Variants in LDB3 observed in about 807,000 individuals in gnomAD.
LDB3 encodes the protein LIM domain-binding protein 3.
A neutral mutation model predicts 69.0 loss-of-function variants in LDB3; 49 were observed. The observed-to-expected ratio is 0.71, with a 90% CI of 0.56 to 0.90. LDB3 has a LOEUF of 0.90. Ranked by LOEUF, LDB3 falls within the 40% of genes least tolerant of loss-of-function variation. LDB3 has a pLI of 0.00. For missense variants in LDB3, 928 were observed against 974.1 expected, an observed-to-expected ratio of 0.95 and a Z score of 0.63; for synonymous variants, 387 against 396.2, an observed-to-expected ratio of 0.98 and a Z score of 0.28.
intron 9 of LDB3, 103 bp from the exon 10 acceptor site, chr10:86,716,224 A>G (rs1483324946): frequency 3.0e-6 from 4 of 1,352,000 alleles, no homozygotes; most frequent in East Asian, 2.3e-5. Flanking sequence ...GTACTGCTCT[A>G]ATGTTAAAGT....
At chr10:86,682,180 G>A (rs983834629) in intron 5 of LDB3, among the ~76,000 whole-genome samples, 3 of 152,178 alleles carry the variant, frequency 2.0e-5, no homozygotes, top group Admixed American at 2.0e-4. Flanking sequence ...GCCTTCAAGA[G>A]CTATGCACAG....
At chr10:86,676,049 A>G (rs889593835) in intron 2 of LDB3, among the ~76,000 whole-genome samples, 9 of 152,242 alleles carry the variant, frequency 5.9e-5, no homozygotes, top group Non-Finnish European at 1.2e-4. Flanking sequence ...AATAGAGGCT[A>G]TGGCAATGAG....
At chr10:86,676,272 G>A (rs1477487882) in intron 2 of LDB3, among the ~76,000 whole-genome samples, 1 of 152,142 alleles carries the variant, frequency 6.6e-6, no homozygotes, top group East Asian at 1.9e-4. Context: ...ATTTTAAGAG[G>A]GCACCACAGG....
rs1846392891 is a variant in LDB3, at chr10:86,704,994, G to A, written c.897-1537G>A. Reference sequence around the variant, plus strand: ...GTCTCCCAAAGTGCTGGGATTATAAGCATAAGCCACCACGCCTGGCTAGGG... The same window carrying A: ...GTCTCCCAAAGTGCTGGGATTATAAACATAAGCCACCACGCCTGGCTAGGG... On this transcript the variant is annotated intron_variant, in intron 7 of 13. Coordinates refer to ENST00000361373, the MANE Select transcript of LDB3 (RefSeq NM_007078.3). Among the ~76,000 whole-genome samples, 3 of 152,260 alleles carry A rather than the reference G, an allele frequency of 2.0e-5. No individual in the cohort carries two copies. In the South Asian group the frequency reaches 6.2e-4, roughly 32 times the overall value.
chr10:86,726,814 T>C (rs1237783910), intron 13 of LDB3, among the ~76,000 whole-genome samples: 1 of 152,166 alleles, frequency 6.6e-6, no homozygotes, highest in African/African-American at 2.4e-5. Flanking sequence ...GGATTAACTA[T>C]TAACTGTGTG....
intron 11 of LDB3, 63 bp from the exon 12 acceptor site, chr10:86,718,664 G>T: frequency 6.2e-7 from 1 of 1,611,836 alleles, no homozygotes; most frequent in Non-Finnish European, 8.5e-7. Flanking sequence ...GCTGGAGCCT[G>T]GTGGGGTAGT....
At chr10:86,706,132 C>T (rs1391539723) in intron 7 of LDB3, among the ~76,000 whole-genome samples, 3 of 152,178 alleles carry the variant, frequency 2.0e-5, no homozygotes, top group Admixed American at 6.5e-5. Context: ...CAAGGTAGCA[C>T]ATGCCCCCTG....
Position 86,704,528 on chromosome 10 carries a change from G to GC in LDB3, c.897-1997dup, listed in dbSNP as rs201248815. ...TCTGCCTCCCGGGTTCAAGGGTTCAGCCCCCCGAGTAGCTGGGATTACAGG... is the reference window on the plus strand; with the variant it reads ...TCTGCCTCCCGGGTTCAAGGGTTCAGCCCCCCCGAGTAGCTGGGATTACAGG... On this transcript the variant is annotated intron_variant, in intron 7 of 13. Transcript: ENST00000361373. Among the ~76,000 whole-genome samples the GC allele has an allele frequency of 4.5e-3, 676 of 150,392 alleles. 6 individuals are homozygous for GC. The highest frequency in any genetic ancestry group is 0.016 in the African/African-American group (653 of 40,738).
At chr10:86,678,618 G>T (rs775161752) in intron 2 of LDB3, among the ~76,000 whole-genome samples, 5 of 150,088 alleles carry the variant, frequency 3.3e-5, no homozygotes, top group Non-Finnish European at 5.9e-5. Flanking sequence ...GATTACAGGC[G>T]TGAGCCACCA....
At chr10:86,718,528 A>G (rs80071692) in intron 11 of LDB3, among the ~76,000 whole-genome samples, 199 bp from the exon 12 acceptor site, 127 of 152,342 alleles carry the variant, frequency 8.3e-4, no homozygotes, top group African/African-American at 3.0e-3. Context: ...AAGAAAGCAC[A>G]GAACCTGGCA....
intron 5 of LDB3, among the ~76,000 whole-genome samples, chr10:86,682,255 TTA>T (rs1300228734): frequency 6.6e-6 from 1 of 151,792 alleles, no homozygotes; most frequent in African/African-American, 2.4e-5. Context: ...GAAAAGCGAG[TTA>T]TCTGGGACTA....
At chr10:86,690,504 G>A (rs1845705085) in intron 5 of LDB3, among the ~76,000 whole-genome samples, 1 of 152,170 alleles carries the variant, frequency 6.6e-6, no homozygotes, top group South Asian at 2.1e-4. Context: ...GCCAGGGCAG[G>A]GCCTTCAGCG....
chr10:86,691,096 G>C (rs1227972358), intron 5 of LDB3, among the ~76,000 whole-genome samples: 1 of 152,212 alleles, frequency 6.6e-6, no homozygotes, highest in Admixed American at 6.5e-5. Context: ...TCTGATTCAG[G>C]CTGGGAGGCA....
chr10:86,666,958 C>T (rs1043150800), upstream of LDB3: 2 of 430,740 alleles, frequency 4.6e-6, no homozygotes, highest in South Asian at 3.3e-5. Flanking sequence ...GACAAACACC[C>T]CTAGGAAAGG....
Position 86,679,400 on chromosome 10 carries a change from C to G in LDB3, c.127C>G (p.Leu43Val). The G allele has an allele frequency of 1.2e-6, 2 of 1,614,188 alleles. No homozygotes were observed. The highest frequency in any genetic ancestry group is 1.7e-6 in the Non-Finnish European group (2 of 1,180,036). The change falls in exon 3 of 14, where the codon CTC (leucine) becomes GTC (valine). Residue 43 changes from leucine (L) to valine (V), a missense_variant. Physicochemically the swap from Leu to Val is conservative, Grantham distance 32. Transcript: ENST00000361373. ...AGGCAGCAAGGCAGCCCAGTCCCAG[C>G]TCAGCCAGGGTGACCTCGTGGTGGC... ...TPGSKAAQSQ[L>V]SQGDLVVAID...
rs1385557887 is a variant in LDB3 at position 86,735,431 on chromosome 10, G to A, written c.*2455G>A. The A allele has an allele frequency of 6.6e-6, 1 of 152,096 alleles. No individual in the cohort carries two copies. Among genetic ancestry groups the A allele is most frequent in the Non-Finnish European group, 1.5e-5 (1 of 68,042 alleles). 9.4% of individuals were successfully genotyped at this position (152,096 alleles called of 1,614,324 possible). A position where few individuals can be genotyped will look rare whatever the true frequency, so the allele number is the denominator to read the frequency against. On this transcript the variant is annotated 3_prime_UTR_variant, in exon 14 of 14. Transcript: ENST00000361373. ...CTAAACAAAATTTTTCATAATCCAT[G>A]GTGGGGAGCACACTTTGGAGCTACA...
chr10:86,719,770 A>C (rs1427083963), intron 12 of LDB3, among the ~76,000 whole-genome samples: 1 of 152,202 alleles, frequency 6.6e-6, no homozygotes, highest in African/African-American at 2.4e-5. Context: ...TGTACCCCCA[A>C]AATGCTATAT....
intron 12 of LDB3, among the ~76,000 whole-genome samples, chr10:86,721,518 T>C (rs941148046): frequency 2.6e-5 from 4 of 152,192 alleles, no homozygotes; most frequent in African/African-American, 9.6e-5. Flanking sequence ...CATGGTCACC[T>C]AGGGAACTTA....
At chr10:86,683,946 G>A (rs35605324) in intron 5 of LDB3, among the ~76,000 whole-genome samples, 12,104 of 152,306 alleles carry the variant, frequency 0.079, 524 homozygotes, top group African/African-American at 0.097. Context: ...AGGCTGGGAC[G>A]GGTGGGTAAT....
Sources: allele counts gnomAD v4.1 joint callset (sites outside exome capture counted in the v4.1 genomes callset), GRCh38; gene constraint gnomAD v4.1.1; transcripts MANE v1.5; gene names NCBI Gene and HGNC (gene_info 2026-07-23, HGNC 2026-07-21).